The following PPP2R3B variants were observed in gnomAD, a reference collection of about 807,000 sequenced individuals.
PPP2R3B encodes the protein protein phosphatase 2 regulatory subunit B''beta.
Under a neutral mutation model 72.9 loss-of-function variants are expected in PPP2R3B, and 68 were observed. That is an observed-to-expected ratio of 0.93 (90% CI 0.77 to 1.14). PPP2R3B has a LOEUF of 1.14. Among genes scored for constraint, PPP2R3B ranks in the 50% most tolerant of loss-of-function variants. PPP2R3B has a pLI of 0.00. For synonymous variants in PPP2R3B, 466 were observed against 375.8 expected, an observed-to-expected ratio of 1.24 and a Z score of -2.78; for missense variants, 1,018 against 842.0, an observed-to-expected ratio of 1.21 and a Z score of -2.59.
chrX:334,341 C>G lies in PPP2R3B; in HGVS notation c.*26G>C. On this transcript the variant is annotated 3_prime_UTR_variant, in exon 13 of 13. Coordinates refer to ENST00000390665, the MANE Select transcript of PPP2R3B (RefSeq NM_013239.5). The stretch of plus-strand genomic sequence containing the variant: ...CGGTGGTGGCACGTGGGGAGCGGCC[C>G]CGCGGCGGCGTTCTCGCGGGCGGCG... 6.8e-7 allele frequency: 1 copy of G among 1,461,072 alleles called. No homozygotes were observed. Among genetic ancestry groups the G allele is most frequent in the Non-Finnish European group, 9.0e-7 (1 of 1,112,156 alleles). The allele number at this position is 1,461,072 out of a possible 1,614,324, so 90.5% of individuals were successfully genotyped here.
Position 345,617 on chromosome X carries a change from G to C in PPP2R3B, c.935C>G (p.Ser312Trp). ...GTAGATGACGTAGAAATGCTCGTAC[G>C]AGAAGAATTCGGTCAGCTGGTTGAT... The part of the protein sequence containing the change: ...ADINQLTEFF[S>W]YEHFYVIYCK... Residue 312 changes from serine to tryptophan, a missense_variant, in exon 7 of 13, where the codon TCG becomes TGG. Coordinates refer to ENST00000390665, the MANE Select transcript of PPP2R3B (RefSeq NM_013239.5). The C allele has an allele frequency of 1.2e-6, 2 of 1,613,224 alleles. No homozygotes were observed. Among genetic ancestry groups the C allele is most frequent in the Non-Finnish European group, 1.7e-6 (2 of 1,179,560 alleles).
chrX:361,909 G>A (rs1031441070), intron 1 of PPP2R3B, among the ~76,000 whole-genome samples: 10 of 152,130 alleles, frequency 6.6e-5, no homozygotes, highest in Non-Finnish European at 1.3e-4. Flanking sequence ...GCCCAGCCAG[G>A]ACCCACTCCC....
At chrX:358,354 C>A (rs779229942) in intron 2 of PPP2R3B, among the ~76,000 whole-genome samples, 5 of 133,096 alleles carry the variant, frequency 3.8e-5, no homozygotes, top group African/African-American at 1.3e-4. Flanking sequence ...GTCGCGACAG[C>A]GCACACCCTG....
intron 9 of PPP2R3B, 99 bp from the exon 10 acceptor site, chrX:341,039 G>C (rs2738365): frequency 0.78 from 1,164,102 of 1,488,082 alleles, 455,094 homozygotes; most frequent in Middle Eastern, 0.83. Context: ...ACGCGTCCCC[G>C]CTGTGCCTTG....
intron 7 of PPP2R3B, among the ~76,000 whole-genome samples, chrX:342,819 C>G (rs1217672014): frequency 1.7e-5 from 1 of 58,586 alleles, no homozygotes; most frequent in Non-Finnish European, 3.5e-5. Flanking sequence ...GGAGGGAGAC[C>G]TCAGCAACGG....
rs781683403 is a variant in PPP2R3B, at chrX:338,603, C to A, written c.1577+1G>T. 6.2e-7 allele frequency: 1 copy of A among 1,604,216 alleles called. No individual in the cohort carries two copies. Among genetic ancestry groups the A allele is most frequent in the Non-Finnish European group, 8.5e-7 (1 of 1,177,164 alleles). On this transcript the variant is annotated splice_donor_variant, in intron 12 of 12. Transcript: ENST00000390665. LOFTEE classifies it high-confidence loss of function. ...CCCACTCACCCGTCCTCCCCACTCA[C>A]CCGTCCTCCCAGGGCTCTCCCGCAG... is the stretch of plus-strand genomic sequence containing the variant.
At chrX:370,502 G>A (rs2071835857) in intron 1 of PPP2R3B, among the ~76,000 whole-genome samples, 1 of 152,202 alleles carries the variant, frequency 6.6e-6, no homozygotes, top group South Asian at 2.1e-4. Context: ...GGTGACGGTG[G>A]ATGCCGCGCA....
chrX:386,495 G>T lies in PPP2R3B; in HGVS notation c.197C>A (p.Pro66His). Reference sequence around the variant, plus strand: ...CGGGGGTTCGAGCCCGCTGGGCCGGGGGGCGGCGAGCGGGGCTGTGGGCCA... The same window carrying T: ...CGGGGGTTCGAGCCCGCTGGGCCGGTGGGCGGCGAGCGGGGCTGTGGGCCA... ...GAWPTAPLAAPRPSGLEPPGT... is the reference protein window; with the variant it reads ...GAWPTAPLAAHRPSGLEPPGT... The change falls in exon 1 of 13, where the codon CCC (proline) becomes CAC (histidine). Residue 66 changes from proline to histidine, a missense_variant. Pro to His is a moderately conservative substitution (Grantham distance 77, BLOSUM62 -2). Transcript: ENST00000390665. The T allele has an allele frequency of 7.7e-7, 1 of 1,290,604 alleles. No individual in the cohort carries two copies. Among genetic ancestry groups the T allele is most frequent in the Non-Finnish European group, 9.8e-7 (1 of 1,018,094 alleles). The allele number at this position is 1,290,604 out of a possible 1,614,324, so 79.9% of individuals were successfully genotyped here.
chrX:384,136 G>A (rs2072190067), intron 1 of PPP2R3B, among the ~76,000 whole-genome samples: 1 of 151,902 alleles, frequency 6.6e-6, no homozygotes, highest in Non-Finnish European at 1.5e-5. Context: ...GCAGCTAAAT[G>A]TCCTTTTAGG....
chrX:341,669 G>A lies in PPP2R3B; in HGVS notation c.1085+214C>T, dbSNP rs772619611. ...CAAGAACCCCCGACCTGGGGCCTGG[G>A]CCACCCCCTTCCTCAGACTTCGCGT... On this transcript the variant is annotated intron_variant, in intron 8 of 12. Coordinates refer to ENST00000390665, the MANE Select transcript of PPP2R3B (RefSeq NM_013239.5). 1.7e-4 allele frequency: 112 copies of A among 669,332 alleles called. 2 individuals are homozygous for A. In the Middle Eastern group the frequency reaches 2.5e-3, roughly 15 times the overall value. The allele number at this position is 669,332 out of a possible 1,614,324, so 41.5% of individuals were successfully genotyped here. A position where few individuals can be genotyped will look rare whatever the true frequency, so the allele number is the denominator to read the frequency against.
In PPP2R3B at chrX:334,367, T is replaced by G. The variant is rs2124523016; in HGVS notation, c.1728A>C (p.Ter576CysextTer30). ...CGCGGCGGCGTTCTCGCGGGCGGCG[T>G]CACAGCGGCTCCAGGTCCTCGTCCC... ...ACGDEDLEPL[*>C] Residue 576 changes from the stop codon to cysteine, a stop_lost, in exon 13 of 13, where the codon TGA (stop) becomes TGC (cysteine). Coordinates refer to ENST00000390665, the MANE Select transcript of PPP2R3B (RefSeq NM_013239.5). 1 of 1,498,988 alleles carries G rather than the reference T, an allele frequency of 6.7e-7. No individual in the cohort carries two copies. 92.9% of individuals were successfully genotyped at this position (1,498,988 alleles called of 1,614,324 possible).
chrX:341,610 C>G, intron 8 of PPP2R3B: 1 of 654,042 alleles, frequency 1.5e-6, no homozygotes, highest in South Asian at 1.8e-5. Flanking sequence ...CAGGAGTGCA[C>G]CTTCGTTACT....
chrX:352,120 A>C (rs766868957), intron 2 of PPP2R3B, among the ~76,000 whole-genome samples: 3 of 152,348 alleles, frequency 2.0e-5, no homozygotes, highest in African/African-American at 7.2e-5. Flanking sequence ...AATAATCCTA[A>C]AGTAAATGGA....
intron 2 of PPP2R3B, among the ~76,000 whole-genome samples, chrX:354,020 GCAGGGGCTCGCCCAGGGAC>G (rs1427350522): frequency 4.6e-5 from 5 of 109,370 alleles, no homozygotes; most frequent in African/African-American, 1.8e-4. Flanking sequence ...CACCCAGGGA[GCAGGGGCTCGCCCAGGGAC>G]CAGGGGCTCA....
At chrX:357,096 A>C (rs958693535) in intron 2 of PPP2R3B, among the ~76,000 whole-genome samples, 1 of 152,194 alleles carries the variant, frequency 6.6e-6, no homozygotes, top group Non-Finnish European at 1.5e-5. Flanking sequence ...ACCACAGACA[A>C]AATGCTCCAA....
intron 1 of PPP2R3B, among the ~76,000 whole-genome samples, chrX:369,430 G>T: frequency 6.6e-6 from 1 of 152,194 alleles, no homozygotes; most frequent in East Asian, 1.9e-4. Context: ...GCAGCTCCCT[G>T]ACTCATCACA....
At chrX:358,205 C>T (rs1177320943) in intron 2 of PPP2R3B, among the ~76,000 whole-genome samples, 6 of 152,216 alleles carry the variant, frequency 3.9e-5, no homozygotes, top group African/African-American at 1.2e-4. Context: ...GAGACGTGGA[C>T]GGACATCTGC....
At chrX:364,351 CA>C (rs1202290201) in intron 1 of PPP2R3B, among the ~76,000 whole-genome samples, 2 of 151,812 alleles carry the variant, frequency 1.3e-5, no homozygotes, top group Non-Finnish European at 2.9e-5. Flanking sequence ...GTTTGCAAAC[CA>C]AACTCACGGT....
chrX:351,645 C>T (rs1201380233), intron 2 of PPP2R3B, among the ~76,000 whole-genome samples: 18 of 104,434 alleles, frequency 1.7e-4, no homozygotes, highest in Admixed American at 5.8e-4. Flanking sequence ...TTTCGAGACA[C>T]GGTCTTGCTG....
Sources: allele counts gnomAD v4.1 joint callset (sites outside exome capture counted in the v4.1 genomes callset), GRCh38; gene constraint gnomAD v4.1.1; transcripts MANE v1.5; gene names NCBI Gene and HGNC (gene_info 2026-07-23, HGNC 2026-07-21).